Variants in ANKRD11 observed in about 807,000 individuals in gnomAD.
ANKRD11 encodes ankyrin repeat domain-containing protein 11.
Under a neutral mutation model 195.7 loss-of-function variants are expected in ANKRD11, and 17 were observed. The ratio of observed to expected loss-of-function variants is 0.09; its 90% CI spans 0.06 to 0.13. The LOEUF is 0.13. ANKRD11 is among the 10% of genes least tolerant of loss of function. The pLI, the probability that ANKRD11 is intolerant of heterozygous loss-of-function variation, is 1.00. For synonymous variants in ANKRD11, 1,953 were observed against 1,528.1 expected, an observed-to-expected ratio of 1.28 and a Z score of -6.49; for missense variants, 3,735 against 3,566.1, an observed-to-expected ratio of 1.05 and a Z score of -1.21.
chr16:89,424,046 A>G (rs958118290), intron 1 of ANKRD11, among the ~76,000 whole-genome samples: 3 of 152,072 alleles, frequency 2.0e-5, no homozygotes, highest in African/African-American at 7.2e-5. Flanking sequence ...GTACTCGACC[A>G]GTGAGGAACT....
rs76189359 is a variant in ANKRD11, at chr16:89,440,260, T to C, written c.-144-21892A>G. On this transcript the variant is annotated intron_variant, in intron 1 of 12. Coordinates refer to ENST00000301030, the MANE Select transcript of ANKRD11 (RefSeq NM_013275.6). Reference sequence around the variant, plus strand: ...TCAATATGTTCACGTAAAATGTACATGTTCCCCTGGGGGGAGGGATAAATA... The same window carrying C: ...TCAATATGTTCACGTAAAATGTACACGTTCCCCTGGGGGGAGGGATAAATA... 7.8e-3 allele frequency among the ~76,000 whole-genome samples: 1,193 copies of C among 152,300 alleles called. 14 individuals carry two copies. The highest frequency in any genetic ancestry group is 0.028 in the African/African-American group (1,155 of 41,550).
rs755632399 is a variant in ANKRD11, at chr16:89,281,059, G to C, written c.5483C>G (p.Ser1828Trp). ...ASSYDSPMPP[S>W]MEDRAPLPPV... ...GGGCAGGGGCGCCCTGTCTTCCATC[G>C]AGGGTGGCATGGGAGAGTCGTAGCT... The change falls in exon 9 of 13, where the codon TCG (serine) becomes TGG (tryptophan). Residue 1828 changes from serine to tryptophan, a missense_variant. By Grantham distance (177) the Ser-to-Trp change is radical (BLOSUM62 -3). Transcript: ENST00000301030. This position sits in a 1 kb window ranked among gnomAD's most constrained non-coding sequence, Gnocchi z 5.5. The C allele has an allele frequency of 6.2e-6, 10 of 1,605,996 alleles. No homozygotes were observed. The highest frequency in any genetic ancestry group is 8.5e-7 in the Non-Finnish European group (1 of 1,174,316).
intron 2 of ANKRD11, among the ~76,000 whole-genome samples, chr16:89,399,782 T>C (rs2041616576): frequency 7.1e-6 from 1 of 140,742 alleles, no homozygotes; most frequent in Non-Finnish European, 1.5e-5. Flanking sequence ...GCTGTGAACC[T>C]AAAGCTAATA....
At chr16:89,436,164 C>G (rs549493516) in intron 1 of ANKRD11, among the ~76,000 whole-genome samples, 3 of 152,256 alleles carry the variant, frequency 2.0e-5, no homozygotes, top group Admixed American at 2.0e-4. Flanking sequence ...CCTGTAATCC[C>G]AGCACTTTAG....
chr16:89,476,923 C>T (rs368438152), intron 1 of ANKRD11, among the ~76,000 whole-genome samples: 5 of 152,256 alleles, frequency 3.3e-5, no homozygotes, highest in South Asian at 2.1e-4. Context: ...CGTTTATACA[C>T]GGGCACAGAC....
At chr16:89,333,018 G>A (rs1313890594) in intron 2 of ANKRD11, among the ~76,000 whole-genome samples, 1 of 152,156 alleles carries the variant, frequency 6.6e-6, no homozygotes, top group Non-Finnish European at 1.5e-5. Flanking sequence ...AATTTCACAC[G>A]TGGTCCCCCA....
Position 89,334,144 on chromosome 16 carries a change from T to TAAAAAAAAAAAAAAAAAAAAAA in ANKRD11, c.-59-17088_-59-17067dup, listed in dbSNP as rs869142504. On this transcript the variant is annotated intron_variant, in intron 2 of 12. Coordinates refer to ENST00000301030, the MANE Select transcript of ANKRD11 (RefSeq NM_013275.6). ...GGTAACATGATGAAACCCTGTGTTTTAAAAAAAAAAAAAAAAAAAAAAAAA... is the reference window on the plus strand; with the variant it reads ...GGTAACATGATGAAACCCTGTGTTTTAAAAAAAAAAAAAAAAAAAAAAAAAAAAAAAAAAAAAAAAAAAAAAA... 9.7e-5 allele frequency among the ~76,000 whole-genome samples: 4 copies of TAAAAAAAAAAAAAAAAAAAAAA among 41,416 alleles called. 1 individual carries two copies. Among genetic ancestry groups the TAAAAAAAAAAAAAAAAAAAAAA allele is most frequent in the African/African-American group, 3.8e-4 (4 of 10,448 alleles). The allele number at this position is 41,416 out of a possible 152,430, so 27.2% of individuals were successfully genotyped here. A position where few individuals can be genotyped will look rare whatever the true frequency, so the allele number is the denominator to read the frequency against.
In ANKRD11 at chr16:89,297,852, CCT is replaced by C. The variant is rs1402567248; in HGVS notation, c.227-6671_227-6670del. ...CACTTAAAGAAAGACAGGGCCTACC[CCT>C]GTCTGCTGCGTGACCTCAGCCCTCC... On this transcript the variant is annotated intron_variant, in intron 4 of 12. Transcript: ENST00000301030. The C allele has an allele frequency of 1.4e-4, 21 of 152,356 alleles. No individual in the cohort carries two copies. The South Asian group carries it at 2.3e-3, about 17-fold the overall frequency. 9.4% of individuals were successfully genotyped at this position (152,356 alleles called of 1,614,324 possible). A position where few individuals can be genotyped will look rare whatever the true frequency, so the allele number is the denominator to read the frequency against.
intron 1 of ANKRD11, among the ~76,000 whole-genome samples, chr16:89,419,836 T>C (rs2042441127): frequency 6.6e-6 from 1 of 152,058 alleles, no homozygotes; most frequent in South Asian, 2.1e-4. Context: ...CTTACACTCC[T>C]GGACAGGATT....
chr16:89,390,801 T>A (rs2041157118), intron 2 of ANKRD11, among the ~76,000 whole-genome samples: 1 of 151,804 alleles, frequency 6.6e-6, no homozygotes, highest in Non-Finnish European at 1.5e-5. Flanking sequence ...GGGGAGGAGG[T>A]TCCTGGAGCT....
At chr16:89,324,734 TG>T in intron 2 of ANKRD11, 1 of 326,136 alleles carries the variant, frequency 3.1e-6, no homozygotes, top group Non-Finnish European at 6.0e-6. Flanking sequence ...CCTACACCAG[TG>T]GTTTGCCAGG....
At chr16:89,354,692 G>C (rs1399629537) in intron 2 of ANKRD11, among the ~76,000 whole-genome samples, 1 of 152,196 alleles carries the variant, frequency 6.6e-6, no homozygotes, top group Non-Finnish European at 1.5e-5. Context: ...GACCAGCCTG[G>C]CTAACACGGT....
chr16:89,283,794 G>C lies in ANKRD11; in HGVS notation c.2748C>G (p.Asn916Lys), dbSNP rs1445214883. ...CGGTCTGCTCTTTCCTCTTCTCAGA[G>C]TTTTTATCCAAATAGTCCCTGTCCT... The part of the protein sequence containing the change: ...RKKDRDYLDK[N>K]SEKRKEQTEK... The change falls in exon 9 of 13, where the codon AAC becomes AAG. Residue 916 changes from asparagine (N) to lysine (K), a missense_variant. Asn to Lys is a moderately conservative substitution (Grantham distance 94). Coordinates refer to ENST00000301030, the MANE Select transcript of ANKRD11 (RefSeq NM_013275.6). The surrounding 1 kb of genome is among the most constrained non-coding windows in gnomAD (Gnocchi z 4.3). The C allele has an allele frequency of 1.9e-6, 3 of 1,613,496 alleles. No individual in the cohort carries two copies. Among genetic ancestry groups the C allele is most frequent in the Non-Finnish European group, 2.5e-6 (3 of 1,179,774 alleles).
intron 3 of ANKRD11, among the ~76,000 whole-genome samples, chr16:89,309,901 T>G (rs2036515677): frequency 6.6e-6 from 1 of 152,216 alleles, no homozygotes; most frequent in South Asian, 2.1e-4. Flanking sequence ...ACAATGACCC[T>G]GCCGGGCCCC....
At chr16:89,471,418 C>A (rs2057080213) in intron 1 of ANKRD11, among the ~76,000 whole-genome samples, 2 of 152,122 alleles carry the variant, frequency 1.3e-5, no homozygotes, top group Admixed American at 6.6e-5. Context: ...AAGGAGTCCA[C>A]AGGAAGTGAT....
intron 1 of ANKRD11, among the ~76,000 whole-genome samples, chr16:89,454,210 G>C (rs1180055201): frequency 1.3e-5 from 2 of 152,086 alleles, no homozygotes; most frequent in African/African-American, 4.8e-5. Context: ...CTCAGTCACT[G>C]CCCAGCAAGT....
chr16:89,402,170 G>T (rs2041720171), intron 2 of ANKRD11, among the ~76,000 whole-genome samples: 1 of 152,170 alleles, frequency 6.6e-6, no homozygotes, highest in Admixed American at 6.5e-5. Context: ...GAGTAAGGAG[G>T]ACGACCTACA....
At chr16:89,435,808 A>ACACACACG (rs2043192102) in intron 1 of ANKRD11, among the ~76,000 whole-genome samples, 2 of 150,686 alleles carry the variant, frequency 1.3e-5, no homozygotes, top group South Asian at 4.2e-4. Flanking sequence ...ACACACACAC[A>ACACACACG]CACACACACA....
chr16:89,471,161 T>C (rs1007417320), intron 1 of ANKRD11, among the ~76,000 whole-genome samples: 6 of 151,540 alleles, frequency 4.0e-5, no homozygotes, highest in Non-Finnish European at 7.4e-5. Flanking sequence ...GAGATCAGCC[T>C]GACAGCAGAG....
Sources: allele counts gnomAD v4.1 joint callset (sites outside exome capture counted in the v4.1 genomes callset), GRCh38; gene constraint gnomAD v4.1.1; non-coding constraint Gnocchi (gnomAD v3.1); transcripts MANE v1.5; gene names NCBI Gene and HGNC (gene_info 2026-07-23, HGNC 2026-07-21).